The following SYNJ2 variants were observed in gnomAD, a reference collection of about 807,000 sequenced individuals.
The protein encoded by SYNJ2 is synaptojanin 2.
In SYNJ2, 116 loss-of-function variants were observed where a neutral mutation model predicts 141.3. The observed-to-expected ratio is 0.82, with a 90% CI of 0.71 to 0.96. The LOEUF (loss-of-function observed/expected upper bound fraction) is 0.96. Ranked by LOEUF, SYNJ2 falls within the 40% of genes least tolerant of loss-of-function variation. SYNJ2 has a pLI of 0.00. For synonymous variants in SYNJ2, 745 were observed against 777.7 expected, an observed-to-expected ratio of 0.96 and a Z score of 0.70; for missense variants, 1,873 against 1,934.8, an observed-to-expected ratio of 0.97 and a Z score of 0.60.
chr6:158,016,183 G>A (rs1236124361), intron 1 of SYNJ2, among the ~76,000 whole-genome samples: 3 of 152,116 alleles, frequency 2.0e-5, no homozygotes, highest in Admixed American at 6.5e-5. Flanking sequence ...GCGTAATTTC[G>A]GCTCACTGCA....
In SYNJ2 at chr6:158,081,178, G is replaced by T. The variant is rs369254348; in HGVS notation, c.2637G>T (p.Gln879His). 1.9e-6 allele frequency: 3 copies of T among 1,614,054 alleles called. No homozygotes were observed. In the African/African-American group the frequency reaches 4.0e-5, roughly 22 times the overall value. ...VDVGARERVF[Q>H]EVSSFQGPLD... Reference sequence around the variant, plus strand: ...TGGGTGCTCGGGAGAGGGTTTTCCAGGAAGTGTCCTCCTTCCAGGGCCCCC... The same window carrying T: ...TGGGTGCTCGGGAGAGGGTTTTCCATGAAGTGTCCTCCTTCCAGGGCCCCC... The change falls in exon 19 of 27, where the codon CAG (glutamine) becomes CAT (histidine). Residue 879 changes from glutamine (Q) to histidine (H), a missense_variant. By Grantham distance (24) the Gln-to-His change is conservative. Coordinates refer to ENST00000355585, the MANE Select transcript of SYNJ2 (RefSeq NM_003898.4).
intron 2 of SYNJ2, among the ~76,000 whole-genome samples, chr6:158,020,666 G>A (rs768724435): frequency 2.8e-4 from 42 of 150,880 alleles, no homozygotes; most frequent in Non-Finnish European, 3.8e-4. Context: ...CTCCAGCTGC[G>A]TGACTTCAGC....
At chr6:158,088,280 G>A (rs1047473050) in intron 23 of SYNJ2, among the ~76,000 whole-genome samples, 2 of 151,708 alleles carry the variant, frequency 1.3e-5, no homozygotes, top group Middle Eastern at 6.8e-3. Flanking sequence ...ATGTTGCCCA[G>A]GCTGGGGTTT....
rs1453917244 is a variant in SYNJ2 at position 158,062,083 on chromosome 6, T to G, written c.1046T>G (p.Leu349Trp). The G allele has an allele frequency of 6.2e-7, 1 of 1,614,182 alleles. No individual in the cohort carries two copies. The highest frequency in any genetic ancestry group is 8.5e-7 in the Non-Finnish European group (1 of 1,180,034). ...QFAKGGKLEK[L>W]ETLLRPQLKL... The stretch of plus-strand genomic sequence containing the variant: ...GCCAAAGGTGGGAAGCTAGAGAAAT[T>G]GGAGACCCTCTTGAGGCCACAGTTA... The change falls in exon 8 of 27, where the codon TTG becomes TGG. Residue 349 changes from leucine (L) to tryptophan (W), a missense_variant. Transcript: ENST00000355585.
In SYNJ2 at chr6:158,071,787, T is replaced by C. The variant is rs1444788912; in HGVS notation, c.2126T>C (p.Phe709Ser). 6.2e-7 allele frequency: 1 copy of C among 1,613,276 alleles called. No homozygotes were observed. Among genetic ancestry groups the C allele is most frequent in the Admixed American group, 1.7e-5 (1 of 59,998 alleles). The part of the protein sequence containing the change: ...DYKEITQKLC[F>S]PMGRNVFSHD... ...AAGGAGATCACCCAGAAACTCTGCT[T>C]CCCAATGGTGAGCGGCGCCGTGGGG... Residue 709 changes from phenylalanine (F) to serine (S), a missense_variant, in exon 15 of 27, where the codon TTC (phenylalanine) becomes TCC (serine). Phe to Ser is a radical substitution (Grantham distance 155). Coordinates refer to ENST00000355585, the MANE Select transcript of SYNJ2 (RefSeq NM_003898.4). This position sits in a 1 kb window ranked among gnomAD's most constrained non-coding sequence, Gnocchi z 4.3.
At chr6:158,041,323 T>C (rs998975835) in intron 4 of SYNJ2, among the ~76,000 whole-genome samples, 3 of 152,266 alleles carry the variant, frequency 2.0e-5, no homozygotes, top group African/African-American at 7.2e-5. Context: ...AAATGACATC[T>C]GTGAGGTGAG....
rs961908321 is a variant in SYNJ2, at chr6:157,995,359, T to TA, written c.127+13279dup. Among the ~76,000 whole-genome samples the TA allele has an allele frequency of 1.2e-3, 187 of 151,998 alleles. 1 individual carries two copies. The highest frequency in any genetic ancestry group is 4.3e-3 in the African/African-American group (178 of 41,436). On this transcript the variant is annotated intron_variant, in intron 1 of 26. Transcript: ENST00000355585. ...ACAAAGACTTGAGGGGTGCTCCTAT[T>TA]AAAAAAAACAAACAGTGTGTGAGCT... is the stretch of plus-strand genomic sequence containing the variant.
At chr6:158,032,108 A>T (rs922475454) in intron 3 of SYNJ2, among the ~76,000 whole-genome samples, 2 of 152,006 alleles carry the variant, frequency 1.3e-5, no homozygotes, top group African/African-American at 4.8e-5. Flanking sequence ...GCGACCTCAG[A>T]TGGGGTCAGA....
chr6:158,095,568 T>C, intron 26 of SYNJ2, 50 bp from the exon 27 acceptor site: 1 of 1,524,474 alleles, frequency 6.6e-7, no homozygotes, highest in Non-Finnish European at 8.8e-7. Flanking sequence ...GATCCTCAGC[T>C]GCCTAGTTAT....
At chr6:158,025,259 G>A (rs1778980680) in intron 2 of SYNJ2, among the ~76,000 whole-genome samples, 2 of 152,188 alleles carry the variant, frequency 1.3e-5, no homozygotes, top group Admixed American at 1.3e-4. Flanking sequence ...CCATAACCCA[G>A]TCACCTCCCA....
At chr6:158,053,376 C>A (rs956244270) in intron 5 of SYNJ2, among the ~76,000 whole-genome samples, 3 of 152,214 alleles carry the variant, frequency 2.0e-5, no homozygotes, top group African/African-American at 7.2e-5. Context: ...TAAGATTTAT[C>A]ATCAACAGAT....
chr6:157,992,564 A>AT (rs1456906240), intron 1 of SYNJ2, among the ~76,000 whole-genome samples: 1 of 150,526 alleles, frequency 6.6e-6, no homozygotes. Flanking sequence ...CACCCAGCTA[A>AT]TTTTTGTATT....
intron 2 of SYNJ2, among the ~76,000 whole-genome samples, chr6:158,020,403 C>CATGTGACCCCACCT (rs1554234073): frequency 4.1e-5 from 6 of 146,916 alleles, no homozygotes; most frequent in South Asian, 4.3e-4. Flanking sequence ...TGACTTCAAC[C>CATGTGACCCCACCT]GTGTGACCCC....
chr6:157,991,074 G>T (rs966220059), intron 1 of SYNJ2, among the ~76,000 whole-genome samples: 2 of 152,172 alleles, frequency 1.3e-5, no homozygotes, highest in African/African-American at 4.8e-5. Flanking sequence ...CATGTGCCAC[G>T]CCAGGAGAGG....
At chr6:158,031,943 G>A (rs1779386692) in intron 3 of SYNJ2, among the ~76,000 whole-genome samples, 1 of 152,218 alleles carries the variant, frequency 6.6e-6, no homozygotes, top group Non-Finnish European at 1.5e-5. Context: ...AAATATTCTG[G>A]AGGCTTTGCC....
rs182426089 is a variant in SYNJ2, at chr6:158,036,527, A to G, written c.711+2847A>G. Among the ~76,000 whole-genome samples the G allele has an allele frequency of 2.7e-3, 405 of 152,324 alleles. 3 individuals are homozygous for G. Among genetic ancestry groups the G allele is most frequent in the Non-Finnish European group, 2.4e-3 (161 of 68,032 alleles). On this transcript the variant is annotated intron_variant, in intron 4 of 26. Coordinates refer to ENST00000355585, the MANE Select transcript of SYNJ2 (RefSeq NM_003898.4). ...GACTAAGGCAGGAGCAGAAAACCAA[A>G]CACTGCATGTTCTTACTTACAAGTG...
chr6:158,076,101 T>C (rs1378468144), intron 16 of SYNJ2, among the ~76,000 whole-genome samples: 1 of 152,070 alleles, frequency 6.6e-6, no homozygotes, highest in Non-Finnish European at 1.5e-5. Context: ...GGCAGGAGGA[T>C]CACATGAGCC....
chr6:158,086,461 C>T (rs1783042103), intron 22 of SYNJ2, among the ~76,000 whole-genome samples: 1 of 152,206 alleles, frequency 6.6e-6, no homozygotes, highest in South Asian at 2.1e-4. Flanking sequence ...GGAGAACACC[C>T]TCAGCTTCCT....
chr6:158,074,431 A>C (rs561939167), intron 15 of SYNJ2, 149 bp from the exon 16 acceptor site: 2 of 752,170 alleles, frequency 2.7e-6, no homozygotes. Context: ...GATGAGTGAA[A>C]AACAAGATGC....
Sources: gnomAD v4.1 joint callset for allele counts (sites outside exome capture counted in the v4.1 genomes callset) on GRCh38, gnomAD v4.1.1 for gene constraint, Gnocchi (gnomAD v3.1) non-coding constraint, MANE v1.5 for transcripts, NCBI Gene and HGNC (gene_info 2026-07-23, HGNC 2026-07-21) for gene names.